Variants in PCDHA9 observed in about 807,000 individuals in gnomAD.
PCDHA9 encodes protocadherin alpha 9.
In PCDHA9, 62 loss-of-function variants were observed where a neutral mutation model predicts 62.0. That is an observed-to-expected ratio of 1.00 (90% CI 0.81 to 1.23). The LOEUF is 1.23. Ranked by LOEUF, PCDHA9 falls within the 50% of genes most tolerant of loss-of-function variation. The probability of loss-of-function intolerance (pLI) is 0.00; values close to 1 mark genes in which losing one functional copy is unlikely to be tolerated. For synonymous variants in PCDHA9, 557 were observed against 567.6 expected, an observed-to-expected ratio of 0.98 and a Z score of 0.27; for missense variants, 1,205 against 1,249.8, an observed-to-expected ratio of 0.96 and a Z score of 0.54.
chr5:140,852,628 G>A, intron 1 of PCDHA9: 1 of 953,102 alleles, frequency 1.0e-6, no homozygotes, highest in Non-Finnish European at 1.3e-6. Context: ...TGGTCTCTGA[G>A]CTCCTGTCAT....
chr5:140,880,920 A>G (rs1189539222), intron 1 of PCDHA9, among the ~76,000 whole-genome samples: 1 of 152,228 alleles, frequency 6.6e-6, no homozygotes, highest in Non-Finnish European at 1.5e-5. Flanking sequence ...GAGAAATACT[A>G]TGTTAGTAAA....
At chr5:140,953,135 G>C (rs1331167155) in intron 1 of PCDHA9, among the ~76,000 whole-genome samples, 2 of 152,126 alleles carry the variant, frequency 1.3e-5, no homozygotes, top group Non-Finnish European at 2.9e-5. Flanking sequence ...CCGTATCACT[G>C]TTATATTTCT....
At chr5:140,873,078 T>A (rs1375879471) in intron 1 of PCDHA9, among the ~76,000 whole-genome samples, 19 of 152,184 alleles carry the variant, frequency 1.2e-4, no homozygotes, top group Admixed American at 9.2e-4. Flanking sequence ...ATCTAGCTAT[T>A]TCCCCCCCGT....
chr5:140,857,126 G>A, intron 1 of PCDHA9: 2 of 1,598,256 alleles, frequency 1.3e-6, no homozygotes, highest in Non-Finnish European at 1.7e-6. Flanking sequence ...CCCAGTGAAA[G>A]AAGATGCTCA....
chr5:140,982,221 A>T, intron 2 of PCDHA9: 1 of 546,340 alleles, frequency 1.8e-6, no homozygotes. Flanking sequence ...ACATGGCGTT[A>T]ATAAAAAACA....
chr5:140,963,551 G>C (rs2095774327), intron 1 of PCDHA9, among the ~76,000 whole-genome samples: 1 of 152,158 alleles, frequency 6.6e-6, no homozygotes, highest in African/African-American at 2.4e-5. Flanking sequence ...GATATAAAAA[G>C]GGGCTGTTTT....
intron 1 of PCDHA9, chr5:140,875,357 C>G (rs1173514822): frequency 6.9e-7 from 1 of 1,446,594 alleles, no homozygotes; most frequent in Non-Finnish European, 9.1e-7. Flanking sequence ...GACTGTGATG[C>G]TGGAAAAAAT....
intron 3 of PCDHA9, among the ~76,000 whole-genome samples, chr5:140,986,734 C>T (rs2153854061): frequency 6.6e-6 from 1 of 152,260 alleles, no homozygotes; most frequent in Non-Finnish European, 1.5e-5. Context: ...TCTCAAGACC[C>T]CAGGGGATCT....
intron 1 of PCDHA9, chr5:140,927,270 C>A (rs541200655): frequency 1.2e-6 from 2 of 1,614,034 alleles, no homozygotes; most frequent in Non-Finnish European, 1.7e-6. Context: ...TCTTTCCTGC[C>A]GGCGACGTGC....
intron 1 of PCDHA9, chr5:140,967,632 A>G (rs371201664): frequency 1.9e-5 from 31 of 1,614,028 alleles, no homozygotes; most frequent in Admixed American, 1.7e-4. Context: ...GAGGGCTCCA[A>G]TGGTGAGCTC....
rs529433053 is a variant in PCDHA9 at position 140,985,961 on chromosome 5, A to C, written c.2542+3398A>C. Among the ~76,000 whole-genome samples, 18 of 151,982 alleles carry C rather than the reference A, an allele frequency of 1.2e-4. 1 individual carries two copies. In the South Asian group the frequency reaches 3.3e-3, roughly 28 times the overall value. On this transcript the variant is annotated intron_variant, in intron 3 of 3. Transcript: ENST00000532602. Reference sequence around the variant, plus strand: ...TCACTGTGTTAGCCAGGATGGTCTCAATCTCCTGACCTCGTGATCCGCCCA... The same window carrying C: ...TCACTGTGTTAGCCAGGATGGTCTCCATCTCCTGACCTCGTGATCCGCCCA...
At chr5:140,932,066 G>C (rs1196454003) in intron 1 of PCDHA9, among the ~76,000 whole-genome samples, 1 of 151,752 alleles carries the variant, frequency 6.6e-6, no homozygotes, top group Non-Finnish European at 1.5e-5. Flanking sequence ...AAAATTATCA[G>C]TTTAAGAAAT....
chr5:140,858,158 G>T lies in PCDHA9; in HGVS notation c.2394+7269G>T, dbSNP rs781899082. The T allele has an allele frequency of 5.6e-6, 9 of 1,597,732 alleles. 3 individuals carry two copies. Among genetic ancestry groups the T allele is most frequent in the Non-Finnish European group, 7.7e-6 (9 of 1,167,532 alleles). ...CGTGTACCTGATCATCGCCATCTGC[G>T]CGGTGTCCAGCTTGCTGGTGCTCAC... On this transcript the variant is annotated intron_variant, in intron 1 of 3. Coordinates refer to ENST00000532602, the MANE Select transcript of PCDHA9 (RefSeq NM_031857.2).
intron 2 of PCDHA9, chr5:140,982,263 C>A: frequency 1.2e-6 from 1 of 858,968 alleles, no homozygotes; most frequent in Non-Finnish European, 1.7e-6. Flanking sequence ...ATGTGTGTTC[C>A]TGGAATAGTA....
chr5:140,954,181 T>C (rs1342526768), intron 1 of PCDHA9, among the ~76,000 whole-genome samples: 1 of 152,234 alleles, frequency 6.6e-6, no homozygotes, highest in Non-Finnish European at 1.5e-5. Flanking sequence ...ATCCAGTCTA[T>C]CATTGATGGG....
At position 140,978,933 on chromosome 5, in the gene PCDHA9, C is replaced by CT. The variant is rs1179085898; in HGVS notation, c.2395-13dup. The stretch of plus-strand genomic sequence containing the variant: ...TCTTGTCATTTTAACAGAAAACTCT[C>CT]TTTGTGATTTTGCAGCCACGACAGC... On this transcript the variant is annotated splice_polypyrimidine_tract_variant and intron_variant, in intron 1 of 3. Coordinates refer to ENST00000532602, the MANE Select transcript of PCDHA9 (RefSeq NM_031857.2). 8 of 1,613,976 alleles carry CT rather than the reference C, an allele frequency of 5.0e-6. No homozygotes were observed. The highest frequency in any genetic ancestry group is 1.7e-5 in the Admixed American group (1 of 59,984).
Position 140,883,733 on chromosome 5 carries a change from C to T in PCDHA9, c.2394+32844C>T, listed in dbSNP as rs1554179634. 2.5e-6 allele frequency: 4 copies of T among 1,613,458 alleles called. No individual in the cohort carries two copies. In the East Asian group the frequency reaches 6.7e-5, roughly 27 times the overall value. On this transcript the variant is annotated intron_variant, in intron 1 of 3. Coordinates refer to ENST00000532602, the MANE Select transcript of PCDHA9 (RefSeq NM_031857.2). ...GGACGCGGACGCACAGGAGAACGCG[C>T]TGGTCTCCTACTCGCTGGTGGAGCG...
chr5:140,942,679 G>C (rs549826522), intron 1 of PCDHA9, among the ~76,000 whole-genome samples: 1 of 152,020 alleles, frequency 6.6e-6, no homozygotes, highest in African/African-American at 2.4e-5. Context: ...AAAGTTTTAG[G>C]AATAACTTTA....
chr5:140,995,800 A>G (rs180764210), intron 3 of PCDHA9, among the ~76,000 whole-genome samples: 3 of 152,282 alleles, frequency 2.0e-5, no homozygotes, highest in Non-Finnish European at 2.9e-5. Context: ...GTCTCATGTT[A>G]GTTTCTGAAG....
Sources: gnomAD v4.1 joint callset for allele counts (sites outside exome capture counted in the v4.1 genomes callset) on GRCh38, gnomAD v4.1.1 for gene constraint, MANE v1.5 for transcripts, NCBI Gene and HGNC (gene_info 2026-07-23, HGNC 2026-07-21) for gene names.